The following MAOB variants were observed in gnomAD, a reference collection of about 807,000 sequenced individuals.
MAOB encodes monoamine oxidase B.
In MAOB, 15 loss-of-function variants were observed where a neutral mutation model predicts 41.9. The observed-to-expected ratio is 0.36, with a 90% CI of 0.24 to 0.55. The LOEUF (loss-of-function observed/expected upper bound fraction) is 0.55. MAOB is among the 20% of genes least tolerant of loss of function. The probability of loss-of-function intolerance (pLI) is 0.86; values close to 1 mark genes in which losing one functional copy is unlikely to be tolerated. For missense variants in MAOB, 345 were observed against 398.7 expected, an observed-to-expected ratio of 0.87 and a Z score of 1.15; for synonymous variants, 167 against 144.2, an observed-to-expected ratio of 1.16 and a Z score of -1.13.
intron 3 of MAOB, among the ~76,000 whole-genome samples, chrX:43,827,789 G>A (rs1285672541): frequency 8.9e-6 from 1 of 111,983 alleles, no homozygotes; most frequent in African/African-American, 3.2e-5. Context: ...TGGGCCAGGA[G>A]ATTGGTGGGG....
chrX:43,845,472 C>A (rs1223295936), intron 1 of MAOB, among the ~76,000 whole-genome samples: 6 of 112,194 alleles, frequency 5.3e-5, no homozygotes, highest in Non-Finnish European at 7.5e-5. Context: ...TCTACGACCC[C>A]ATGAGATAAG....
intron 11 of MAOB, among the ~76,000 whole-genome samples, chrX:43,777,299 A>G (rs1406010961): frequency 9.0e-6 from 1 of 111,530 alleles, no homozygotes; most frequent in Admixed American, 9.5e-5. Context: ...GTGAGTATAT[A>G]CTGTATTTTT....
chrX:43,783,400 A>G (rs746947021), intron 8 of MAOB, among the ~76,000 whole-genome samples: 6 of 111,868 alleles, frequency 5.4e-5, no homozygotes, highest in Non-Finnish European at 1.1e-4. Context: ...TCCCTCCTGA[A>G]CAAAATACAG....
intron 8 of MAOB, among the ~76,000 whole-genome samples, chrX:43,788,875 T>C (rs7879586): frequency 1.2e-3 from 138 of 111,476 alleles, no homozygotes; most frequent in African/African-American, 4.4e-3. Context: ...TAGTTCTCTC[T>C]ACATATATAT....
intron 1 of MAOB, among the ~76,000 whole-genome samples, chrX:43,849,007 T>C (rs1439188576): frequency 8.9e-6 from 1 of 112,045 alleles, no homozygotes; most frequent in Non-Finnish European, 1.9e-5. Context: ...CAAAAAGATC[T>C]GAGGTAAGGA....
chrX:43,859,207 G>T (rs1360357743), intron 1 of MAOB, among the ~76,000 whole-genome samples: 4 of 111,193 alleles, frequency 3.6e-5, no homozygotes, highest in African/African-American at 1.3e-4. Context: ...TAGGATATCT[G>T]CTCAGTCGCC....
intron 8 of MAOB, among the ~76,000 whole-genome samples, chrX:43,790,147 T>C (rs2034446250): frequency 8.9e-6 from 1 of 112,156 alleles, no homozygotes; most frequent in African/African-American, 3.2e-5. Flanking sequence ...TTCATACCCT[T>C]CTATCTTGTT....
chrX:43,785,723 C>T (rs1028231414), intron 8 of MAOB, among the ~76,000 whole-genome samples: 3 of 111,772 alleles, frequency 2.7e-5, no homozygotes, highest in Non-Finnish European at 5.6e-5. Context: ...GGCCTTATTT[C>T]ATTACTGTTG....
chrX:43,829,220 T>A (rs1344650525), intron 3 of MAOB, among the ~76,000 whole-genome samples: 1 of 112,358 alleles, frequency 8.9e-6, no homozygotes, highest in African/African-American at 3.2e-5. Flanking sequence ...TGCTAAAAGA[T>A]GAAAAGAGTA....
intron 3 of MAOB, among the ~76,000 whole-genome samples, chrX:43,834,125 T>C (rs772721627): frequency 8.9e-6 from 1 of 112,008 alleles, no homozygotes; most frequent in South Asian, 3.7e-4. Context: ...GTAGAAAAGG[T>C]TCATTAAGCC....
At position 43,769,340 on chromosome X, in the gene MAOB, C is replaced by T. The variant is rs370664396; in HGVS notation, c.1314G>A (p.Gly438=). ...CTGCTCTCTCCCCGGCCTCTACAGCCCCCTCCATGTAGCCGCTCCAGTGTG... is the reference window on the plus strand; with the variant it reads ...CTGCTCTCTCCCCGGCCTCTACAGCTCCCTCCATGTAGCCGCTCCAGTGTG... The part of the protein sequence containing the change: ...TATHWSGYME[G]AVEAGERAAR... Residue 438 remains glycine (G), a synonymous_variant, in exon 13 of 15, where the codon GGG becomes GGA. Coordinates refer to ENST00000378069, the MANE Select transcript of MAOB (RefSeq NM_000898.5). The T allele has an allele frequency of 5.0e-6, 6 of 1,206,727 alleles. No individual in the cohort carries two copies. Among genetic ancestry groups the T allele is most frequent in the Non-Finnish European group, 6.7e-6 (6 of 894,351 alleles).
intron 8 of MAOB, among the ~76,000 whole-genome samples, chrX:43,791,892 T>C (rs1047802194): frequency 5.3e-5 from 6 of 112,837 alleles, no homozygotes; most frequent in Non-Finnish European, 1.1e-4. Context: ...CCCATCATTG[T>C]AGAATCCAGC....
At chrX:43,880,350 G>T (rs769029421) in intron 1 of MAOB, among the ~76,000 whole-genome samples, 2 of 111,941 alleles carry the variant, frequency 1.8e-5, no homozygotes, top group African/African-American at 6.5e-5. Flanking sequence ...ATCCATTTTT[G>T]AATCCCCTAC....
chrX:43,816,475 T>A (rs1354420151), intron 3 of MAOB, among the ~76,000 whole-genome samples: 6 of 111,980 alleles, frequency 5.4e-5, no homozygotes, highest in African/African-American at 2.0e-4. Context: ...TGATGTAACT[T>A]CTGAGTTCAG....
intron 2 of MAOB, among the ~76,000 whole-genome samples, chrX:43,841,471 T>A (rs780137006): frequency 1.3e-4 from 14 of 111,720 alleles, no homozygotes; most frequent in Non-Finnish European, 1.5e-4. Flanking sequence ...TAATGTAAAA[T>A]GTCCATACTA....
At chrX:43,805,646 C>T (rs1369721639) in intron 3 of MAOB, among the ~76,000 whole-genome samples, 2 of 112,138 alleles carry the variant, frequency 1.8e-5, no homozygotes, top group South Asian at 7.4e-4. Flanking sequence ...TAAGTAGTGT[C>T]CATTGTATGG....
intron 1 of MAOB, among the ~76,000 whole-genome samples, chrX:43,870,473 G>A (rs886113495): frequency 3.6e-5 from 4 of 111,171 alleles, no homozygotes; most frequent in African/African-American, 1.3e-4. Flanking sequence ...ACCGTCTCCA[G>A]GCCCTACCGG....
chrX:43,781,563 G>T lies in MAOB; in HGVS notation c.929-19C>A, dbSNP rs754950395. The T allele has an allele frequency of 8.9e-6, 8 of 900,590 alleles. No individual in the cohort carries two copies. In the Admixed American group the frequency reaches 1.9e-4, roughly 22 times the overall value. 74.2% of individuals were successfully genotyped at this position (900,590 alleles called of 1,213,427 possible). Reference sequence around the variant, plus strand: ...CAGTAATCTTAGAGAACAGCAAAATGGAAGAGCATATTCATCACTCTATCA... The same window carrying T: ...CAGTAATCTTAGAGAACAGCAAAATTGAAGAGCATATTCATCACTCTATCA... On this transcript the variant is annotated intron_variant, in intron 8 of 14. Transcript: ENST00000378069.
At chrX:43,824,676 CTG>C (rs1476151831) in intron 3 of MAOB, among the ~76,000 whole-genome samples, 7 of 110,010 alleles carry the variant, frequency 6.4e-5, no homozygotes, top group Non-Finnish European at 1.3e-4. Flanking sequence ...GAGTGAGACT[CTG>C]TCTCAAAAAA....
Sources: allele counts gnomAD v4.1 joint callset (sites outside exome capture counted in the v4.1 genomes callset), GRCh38; gene constraint gnomAD v4.1.1; transcripts MANE v1.5; gene names NCBI Gene and HGNC (gene_info 2026-07-23, HGNC 2026-07-21).